The following TRPM4 variants were observed in gnomAD, a reference collection of about 807,000 sequenced individuals.
TRPM4 encodes the protein calcium-activated non-selective cation channel 1.
Under a neutral mutation model 135.6 loss-of-function variants are expected in TRPM4, and 124 were observed. The ratio of observed to expected loss-of-function variants is 0.91; its 90% CI spans 0.79 to 1.06. TRPM4 has a LOEUF of 1.06. Ranked by LOEUF, TRPM4 falls within the 50% of genes least tolerant of loss-of-function variation. The probability of loss-of-function intolerance (pLI) is 0.00; values close to 1 mark genes in which losing one functional copy is unlikely to be tolerated. For missense variants in TRPM4, 1,658 were observed against 1,671.4 expected, an observed-to-expected ratio of 0.99 and a Z score of 0.14; for synonymous variants, 745 against 705.6, an observed-to-expected ratio of 1.06 and a Z score of -0.88.
At chr19:49,187,957 C>G (rs1968260294) in intron 12 of TRPM4, among the ~76,000 whole-genome samples, 1 of 152,122 alleles carries the variant, frequency 6.6e-6, no homozygotes, top group Non-Finnish European at 1.5e-5. Context: ...GCAGGGTCTG[C>G]AAACTATCTC....
rs564964090 is a variant in TRPM4, at chr19:49,196,798, C to T, written c.2569C>T (p.Arg857Cys). The T allele has an allele frequency of 1.3e-6, 2 of 1,582,862 alleles. No individual in the cohort carries two copies. The highest frequency in any genetic ancestry group is 1.7e-5 in the Admixed American group (1 of 57,948). Residue 857 changes from arginine to cysteine, a missense_variant, in exon 17 of 25, where the codon CGC becomes TGC. This residue lies in a region of TRPM4 where 1,412 missense variants were observed against 1,408.7 expected (regional missense o/e 1.00). Transcript: ENST00000252826. ...PGHASLSQRL[R>C]LYLADSWNQC... ...CCATGCCTCACTGAGCCAGCGCCTG[C>T]GCCTCTACCTCGCCGACAGCTGGAA... is the stretch of plus-strand genomic sequence containing the variant.
chr19:49,164,192 C>G (rs1967071677), intron 2 of TRPM4, among the ~76,000 whole-genome samples: 1 of 149,338 alleles, frequency 6.7e-6, no homozygotes, highest in African/African-American at 2.5e-5. Context: ...ACATTTTTCT[C>G]CTTCTTTCTT....
chr19:49,164,588 G>A (rs1159736256), intron 2 of TRPM4, among the ~76,000 whole-genome samples: 1 of 150,998 alleles, frequency 6.6e-6, no homozygotes, highest in South Asian at 2.1e-4. Context: ...CACCATGTTG[G>A]CCAGTCTGGT....
At chr19:49,160,700 C>T (rs546944721) in intron 2 of TRPM4, among the ~76,000 whole-genome samples, 1 of 152,072 alleles carries the variant, frequency 6.6e-6, no homozygotes, top group African/African-American at 2.4e-5. Context: ...TCCTTGGGAG[C>T]TGGGGCATCA....
In TRPM4 at chr19:49,166,163, C is replaced by A. The variant is rs759027293; in HGVS notation, c.215C>A (p.Thr72Asn). 6.2e-7 allele frequency: 1 copy of A among 1,609,100 alleles called. No homozygotes were observed. Among genetic ancestry groups the A allele is most frequent in the Non-Finnish European group, 8.5e-7 (1 of 1,178,538 alleles). ...DSDAHTTEKP[T>N]DAYGELDFTG... is the part of the protein sequence containing the mutation. Reference sequence around the variant, plus strand: ...GATGCACACACCACGGAGAAGCCCACCGATGCCTACGGAGAGCTGGACTTC... The same window carrying A: ...GATGCACACACCACGGAGAAGCCCAACGATGCCTACGGAGAGCTGGACTTC... Residue 72 changes from threonine to asparagine, a missense_variant, in exon 3 of 25, where the codon ACC becomes AAC. By Grantham distance (65) the Thr-to-Asn change is moderately conservative. Transcript: ENST00000252826.
At chr19:49,162,601 C>T (rs956294008) in intron 2 of TRPM4, among the ~76,000 whole-genome samples, 2 of 151,996 alleles carry the variant, frequency 1.3e-5, no homozygotes, top group Non-Finnish European at 1.5e-5. Context: ...GTGGCTCCAC[C>T]GAGGAAAGAG....
rs1326542808 is a variant in TRPM4, at chr19:49,196,667, T to C, written c.2438T>C (p.Leu813Pro). The change falls in exon 17 of 25, where the codon CTG becomes CCG. Residue 813 changes from leucine to proline, a missense_variant. This residue lies in a region of TRPM4 where 1,412 missense variants were observed against 1,408.7 expected (regional missense o/e 1.00). Coordinates refer to ENST00000252826, the MANE Select transcript of TRPM4 (RefSeq NM_017636.4). The stretch of plus-strand genomic sequence containing the variant: ...TTCCAGCCGGCGCCGCCCGGCTCCC[T>C]GGAGCTGCTGCTCTATTTCTGGGCT... ...VDFQPAPPGSLELLLYFWAFT... is the reference protein window; with the variant it reads ...VDFQPAPPGSPELLLYFWAFT... The C allele has an allele frequency of 1.9e-6, 3 of 1,547,184 alleles. No individual in the cohort carries two copies. In the African/African-American group the frequency reaches 4.1e-5, roughly 21 times the overall value.
chr19:49,180,529 G>A (rs1042996136), intron 9 of TRPM4, among the ~76,000 whole-genome samples: 4 of 147,668 alleles, frequency 2.7e-5, no homozygotes, highest in African/African-American at 7.5e-5. Context: ...CGCCCTTTTC[G>A]CACCTTAGGG....
At chr19:49,167,047 C>A (rs1411596219) in intron 3 of TRPM4, among the ~76,000 whole-genome samples, 1 of 147,950 alleles carries the variant, frequency 6.8e-6, no homozygotes, top group Admixed American at 6.7e-5. Flanking sequence ...TCTGTTTCCC[C>A]TTTACTCTGG....
chr19:49,209,672 A>G (rs996911375), intron 20 of TRPM4, among the ~76,000 whole-genome samples: 4 of 150,744 alleles, frequency 2.7e-5, no homozygotes, highest in African/African-American at 4.9e-5. Flanking sequence ...CCTGACTTCA[A>G]CCTCCACCTT....
In TRPM4 at chr19:49,211,315, T is replaced by A; in HGVS notation, c.3640+46T>A. On this transcript the variant is annotated intron_variant, in intron 24 of 24. Transcript: ENST00000252826. The surrounding 1 kb of genome is among the most constrained non-coding windows in gnomAD (Gnocchi z 4.8). ...TGTGCATCTCCAGCCTCTGTTCCTGTATTTTTGCGTGTTTTTCTCTCTCGG... is the reference window on the plus strand; with the variant it reads ...TGTGCATCTCCAGCCTCTGTTCCTGAATTTTTGCGTGTTTTTCTCTCTCGG... 6.3e-7 allele frequency: 1 copy of A among 1,579,444 alleles called. No homozygotes were observed. Among genetic ancestry groups the A allele is most frequent in the Non-Finnish European group, 8.6e-7 (1 of 1,159,808 alleles).
intron 6 of TRPM4, among the ~76,000 whole-genome samples, chr19:49,169,959 C>A (rs568450778): frequency 1.4e-4 from 21 of 152,214 alleles, no homozygotes; most frequent in African/African-American, 2.4e-4. Context: ...AATCCTCTTA[C>A]CAAATTTTCT....
At position 49,188,783 on chromosome 19, in the gene TRPM4, C is replaced by T; in HGVS notation, c.1873+13C>T. 6.2e-7 allele frequency: 1 copy of T among 1,613,830 alleles called. No individual in the cohort carries two copies. The stretch of plus-strand genomic sequence containing the variant: ...GGGATGGGCGTTGGTGCGTGGGGCA[C>T]GGTGCCTGGGAGCAGGGACGGGGGC... On this transcript the variant is annotated intron_variant, in intron 13 of 24. Coordinates refer to ENST00000252826, the MANE Select transcript of TRPM4 (RefSeq NM_017636.4).
intron 2 of TRPM4, among the ~76,000 whole-genome samples, chr19:49,160,122 C>T (rs1228169284): frequency 6.6e-6 from 1 of 152,118 alleles, no homozygotes; most frequent in Non-Finnish European, 1.5e-5. Context: ...CACAAAATGT[C>T]ACTAATGGTT....
intron 14 of TRPM4, among the ~76,000 whole-genome samples, 157 bp from the exon 15 acceptor site, chr19:49,190,051 T>C (rs548965832): frequency 6.6e-6 from 1 of 152,276 alleles, no homozygotes; most frequent in Admixed American, 6.5e-5. Flanking sequence ...GCCTAAGTTG[T>C]CTTTGCCTTT....
Position 49,210,475 on chromosome 19 carries a change from G to A in TRPM4, c.3328+70G>A, listed in dbSNP as rs192781092. Reference sequence around the variant, plus strand: ...GGAGCCTGGAAGGCGAGGGGAAGGGGGCATGCCCCAAATGACTAACGGGCG... The same window carrying A: ...GGAGCCTGGAAGGCGAGGGGAAGGGAGCATGCCCCAAATGACTAACGGGCG... On this transcript the variant is annotated intron_variant, in intron 21 of 24. Coordinates refer to ENST00000252826, the MANE Select transcript of TRPM4 (RefSeq NM_017636.4). This position sits in a 1 kb window ranked among gnomAD's most constrained non-coding sequence, Gnocchi z 4.1. The A allele has an allele frequency of 1.2e-3, 1,945 of 1,564,094 alleles. 6 individuals are homozygous for A. Among genetic ancestry groups the A allele is most frequent in the South Asian group, 1.1e-3 (95 of 89,330 alleles).
chr19:49,210,986 G>A lies in TRPM4; in HGVS notation c.3462-29G>A. ...CCCTGGGGGTGGGTGGGCTGCGGGTGCCCCCGGTAAGAGGCCCTCCCTTCT... is the reference window on the plus strand; with the variant it reads ...CCCTGGGGGTGGGTGGGCTGCGGGTACCCCCGGTAAGAGGCCCTCCCTTCT... On this transcript the variant is annotated intron_variant, in intron 22 of 24. Coordinates refer to ENST00000252826, the MANE Select transcript of TRPM4 (RefSeq NM_017636.4). This position sits in a 1 kb window ranked among gnomAD's most constrained non-coding sequence, Gnocchi z 4.1. The A allele has an allele frequency of 6.2e-7, 1 of 1,611,516 alleles. No individual in the cohort carries two copies. The highest frequency in any genetic ancestry group is 8.5e-7 in the Non-Finnish European group (1 of 1,179,010).
At chr19:49,160,962 G>A (rs1036604218) in intron 2 of TRPM4, among the ~76,000 whole-genome samples, 7 of 152,040 alleles carry the variant, frequency 4.6e-5, no homozygotes, top group East Asian at 1.9e-4. Context: ...GCTCCGGGAC[G>A]TATGCTCTGC....
chr19:49,187,123 T>C (rs1968225725), intron 12 of TRPM4, among the ~76,000 whole-genome samples: 1 of 151,996 alleles, frequency 6.6e-6, no homozygotes, highest in South Asian at 2.1e-4. Flanking sequence ...CTGGGGGTAG[T>C]AAGTGGGTAG....
Sources: allele counts gnomAD v4.1 joint callset (sites outside exome capture counted in the v4.1 genomes callset), GRCh38; gene constraint gnomAD v4.1.1; regional missense constraint gnomAD v4.1.1; non-coding constraint Gnocchi (gnomAD v3.1); transcripts MANE v1.5; gene names NCBI Gene and HGNC (gene_info 2026-07-23, HGNC 2026-07-21).